Variants in NSF observed in about 807,000 individuals in gnomAD.
The protein encoded by NSF is N-ethylmaleimide sensitive factor, vesicle fusing ATPase.
A neutral mutation model predicts 50.3 loss-of-function variants in NSF; 14 were observed. The ratio of observed to expected loss-of-function variants is 0.28; its 90% confidence interval spans 0.18 to 0.44. NSF has a LOEUF of 0.44. Among genes scored for constraint, NSF ranks in the 20% least tolerant of loss-of-function variants. The pLI, the probability that NSF is intolerant of heterozygous loss-of-function variation, is 1.00. For missense variants in NSF, 218 were observed against 504.3 expected (o/e 0.43, Z 5.44); for synonymous variants, 109 against 175.7 (o/e 0.62, Z 3.00).
intron 8 of NSF, among the ~76,000 whole-genome samples, chr17:46,662,205 C>G (rs367864755): frequency 5.2e-3 from 18 of 3,474 alleles, no homozygotes; most frequent in African/African-American, 6.2e-3. Context: ...GAACTCCTGA[C>G]GTCAGGTGAT....
At chr17:46,742,417 T>C (rs909835660) in intron 17 of NSF, among the ~76,000 whole-genome samples, 5 of 152,230 alleles carry the variant, frequency 3.3e-5, no homozygotes, top group Admixed American at 3.3e-4. Flanking sequence ...TTGTACTTTG[T>C]ACAAGGCAGT....
At chr17:46,754,574 T>C (rs2146347551) in intron 19 of NSF, among the ~76,000 whole-genome samples, 1 of 152,374 alleles carries the variant, frequency 6.6e-6, no homozygotes, top group South Asian at 2.1e-4. Context: ...TCATATCTCC[T>C]GTGGGCCTAC....
rs1169022114 is a variant in NSF, at chr17:46,749,807, G to A, written c.1943G>A (p.Arg648His). 3.1e-6 allele frequency: 5 copies of A among 1,613,614 alleles called. No homozygotes were observed. Among genetic ancestry groups the A allele is most frequent in the African/African-American group, 1.3e-5 (1 of 74,884 alleles). The change falls in exon 18 of 21, where the codon CGC becomes CAC. Residue 648 changes from arginine (R) to histidine (H), a missense_variant. Arg to His is a conservative substitution (Grantham distance 29). Around this residue, in one of 2 missense-constraint regions of NSF, gnomAD observed 209 missense variants for 320.9 expected, o/e 0.65. Transcript: ENST00000398238. ...RKLLIIGTTS[R>H]KDVLQEMEML... is the part of the protein sequence containing the mutation. The stretch of plus-strand genomic sequence containing the variant: ...CTTCTTATCATTGGGACCACTAGCC[G>A]CAAAGATGTCCTTCAGGAGATGGAA...
chr17:46,718,662 C>T (rs2058798372), intron 15 of NSF, among the ~76,000 whole-genome samples: 1 of 152,072 alleles, frequency 6.6e-6, no homozygotes, highest in Non-Finnish European at 1.5e-5. Context: ...CTCAGCTCTC[C>T]ACACTGACCG....
intron 17 of NSF, among the ~76,000 whole-genome samples, chr17:46,736,496 A>G (rs934064027): frequency 6.6e-6 from 1 of 150,574 alleles, no homozygotes; most frequent in Non-Finnish European, 1.5e-5. Flanking sequence ...CCCTCCCTCT[A>G]CTCCTTACCC....
chr17:46,711,794 CAT>C (rs1368404377), intron 14 of NSF, among the ~76,000 whole-genome samples: 3 of 152,116 alleles, frequency 2.0e-5, no homozygotes, highest in African/African-American at 7.2e-5. Context: ...CTGGGAGAAA[CAT>C]ATTAAGCCAT....
In NSF at chr17:46,748,071, A is replaced by G. The variant is rs554870146; in HGVS notation, c.1909-1702A>G. 6.3e-4 allele frequency among the ~76,000 whole-genome samples: 96 copies of G among 152,332 alleles called. 1 individual carries two copies. The highest frequency in any genetic ancestry group is 1.7e-3 in the African/African-American group (71 of 41,584). ...TGTCTTTTAGCCTTCAGTGCCTTCA[A>G]AATTGTGAGAAAAAAATTATTTCTA... On this transcript the variant is annotated intron_variant, in intron 17 of 20. Transcript: ENST00000398238.
chr17:46,720,413 T>C (rs944116332), intron 15 of NSF, among the ~76,000 whole-genome samples: 2 of 152,162 alleles, frequency 1.3e-5, no homozygotes, highest in African/African-American at 4.8e-5. Context: ...GCTCACGATA[T>C]GAGAAAATGT....
intron 11 of NSF, among the ~76,000 whole-genome samples, chr17:46,694,248 G>A (rs1355419604): frequency 2.2e-5 from 3 of 137,596 alleles, no homozygotes; most frequent in Admixed American, 7.5e-5. Context: ...TTAGCCGAGT[G>A]TGGTGGTGTG....
At chr17:46,598,658 C>A (rs2057886041) in intron 1 of NSF, among the ~76,000 whole-genome samples, 2 of 151,972 alleles carry the variant, frequency 1.3e-5, no homozygotes. Context: ...TTGACTAGGG[C>A]AGGCCAGAAT....
At chr17:46,727,199 A>T (rs924697130) in intron 16 of NSF, among the ~76,000 whole-genome samples, 2 of 152,240 alleles carry the variant, frequency 1.3e-5, no homozygotes, top group Admixed American at 1.3e-4. Context: ...TAAAATATGT[A>T]TTAAATATCT....
chr17:46,697,104 G>A (rs1435349649), intron 12 of NSF, among the ~76,000 whole-genome samples: 3 of 129,778 alleles, frequency 2.3e-5, no homozygotes, highest in Non-Finnish European at 3.4e-5. Flanking sequence ...GAAGTTTGCT[G>A]GCCCTTGTTC....
rs1170588866 is a variant in NSF, at chr17:46,635,786, T to TGTGTGTGTGTGTG, written c.239-1589_239-1577dup. ...CCTAAAGGGAAAATAAATGTGTGTGTGTGTGTGTGTGTGTGTGTGTGTGTG... is the reference window on the plus strand; with the variant it reads ...CCTAAAGGGAAAATAAATGTGTGTGTGTGTGTGTGTGTGGTGTGTGTGTGTGTGTGTGTGTGTG... On this transcript the variant is annotated intron_variant, in intron 4 of 20. Coordinates refer to ENST00000398238, the MANE Select transcript of NSF (RefSeq NM_006178.4). 6.5e-3 allele frequency among the ~76,000 whole-genome samples: 881 copies of TGTGTGTGTGTGTG among 134,852 alleles called. 69 individuals carry two copies. The highest frequency in any genetic ancestry group is 0.024 in the African/African-American group (846 of 35,500). 88.5% of individuals were successfully genotyped at this position (134,852 alleles called of 152,430 possible).
At chr17:46,753,933 TA>T (rs2059208455) in intron 19 of NSF, among the ~76,000 whole-genome samples, 1 of 152,214 alleles carries the variant, frequency 6.6e-6, no homozygotes, top group Non-Finnish European at 1.5e-5. Flanking sequence ...CACTACATGC[TA>T]TTCTGTTAAA....
chr17:46,710,887 G>T (rs78850923), intron 13 of NSF, 76 bp from the exon 14 acceptor site: 1 of 1,327,296 alleles, frequency 7.5e-7, no homozygotes, highest in Non-Finnish European at 1.0e-6. Context: ...AGCATGTACG[G>T]ATTATAACTC....
At chr17:46,744,351 A>C (rs1446804155) in intron 17 of NSF, among the ~76,000 whole-genome samples, 1 of 152,238 alleles carries the variant, frequency 6.6e-6, no homozygotes, top group Non-Finnish European at 1.5e-5. Flanking sequence ...CAAAAACATC[A>C]GATTCTACTA....
intron 14 of NSF, 33 bp downstream of exon 14, chr17:46,711,152 T>A (rs1251894360): frequency 1.4e-6 from 2 of 1,462,814 alleles, no homozygotes; most frequent in Admixed American, 5.8e-5. Flanking sequence ...CATTAAAAGT[T>A]AAAGGAAAAA....
At position 46,754,676 on chromosome 17, in the gene NSF, C is replaced by T. The variant is rs79689453; in HGVS notation, c.2158-638C>T. ...TAATAATAACGACCTGAACGAAGCA[C>T]CTGAAACAAAGTTGCGCCATCTTTT... On this transcript the variant is annotated intron_variant, in intron 19 of 20. Coordinates refer to ENST00000398238, the MANE Select transcript of NSF (RefSeq NM_006178.4). Among the ~76,000 whole-genome samples the T allele has an allele frequency of 7.9e-3, 1,204 of 152,272 alleles. 19 individuals are homozygous for T. The highest frequency in any genetic ancestry group is 0.027 in the African/African-American group (1,121 of 41,548).
At chr17:46,723,568 A>G (rs949740087) in intron 15 of NSF, among the ~76,000 whole-genome samples, 1 of 152,224 alleles carries the variant, frequency 6.6e-6, no homozygotes, top group Non-Finnish European at 1.5e-5. Context: ...AGGAGAAGAT[A>G]AAAGGCCCTT....
Sources: allele counts gnomAD v4.1 joint callset (sites outside exome capture counted in the v4.1 genomes callset), GRCh38; gene constraint gnomAD v4.1.1; regional missense constraint gnomAD v4.1.1; transcripts MANE v1.5; gene names NCBI Gene and HGNC (gene_info 2026-07-23, HGNC 2026-07-21).